The following TTC17 variants were observed in gnomAD, a reference collection of about 807,000 sequenced individuals.
TTC17 encodes tetratricopeptide repeat protein 17.
In TTC17, 58 loss-of-function variants were observed where a neutral mutation model predicts 143.8. The observed-to-expected ratio is 0.40, with a 90% confidence interval of 0.33 to 0.50. TTC17 has a LOEUF of 0.50. TTC17 is among the 20% of genes least tolerant of loss of function. The pLI is 0.49. For missense variants in TTC17, 1,273 were observed against 1,392.5 expected (o/e 0.91, Z 1.37); for synonymous variants, 501 against 497.8 (o/e 1.01, Z -0.09).
intron 21 of TTC17, among the ~76,000 whole-genome samples, chr11:43,452,274 T>G (rs1334160283): frequency 6.6e-6 from 1 of 151,648 alleles, no homozygotes. Flanking sequence ...CCAAGGCAGG[T>G]GGATCACTTG....
At chr11:43,480,531 G>C (rs2134861821) in intron 21 of TTC17, among the ~76,000 whole-genome samples, 1 of 152,236 alleles carries the variant, frequency 6.6e-6, no homozygotes, top group East Asian at 1.9e-4. Flanking sequence ...GGCTGCAGAA[G>C]AATTATCTGA....
At chr11:43,392,057 T>A in intron 5 of TTC17, 105 bp downstream of exon 5, 1 of 1,335,112 alleles carries the variant, frequency 7.5e-7, no homozygotes, top group Non-Finnish European at 1.0e-6. Flanking sequence ...TGTTTTTATC[T>A]AGAAGACGAT....
intron 16 of TTC17, among the ~76,000 whole-genome samples, chr11:43,415,711 A>T (rs1946763374): frequency 6.6e-6 from 1 of 152,198 alleles, no homozygotes; most frequent in Non-Finnish European, 1.5e-5. Context: ...GATTCGCTAT[A>T]CCAGACTGCC....
intron 3 of TTC17, among the ~76,000 whole-genome samples, chr11:43,390,504 T>C (rs1342560319): frequency 6.6e-6 from 1 of 151,972 alleles, no homozygotes; most frequent in Admixed American, 6.6e-5. Flanking sequence ...TAGTCCCAGC[T>C]ACTCGGGAAG....
chr11:43,418,856 G>A (rs779114714), intron 16 of TTC17, among the ~76,000 whole-genome samples: 2 of 152,008 alleles, frequency 1.3e-5, no homozygotes, highest in African/African-American at 2.4e-5. Flanking sequence ...ATTTATTACC[G>A]TAAAATATTT....
intron 1 of TTC17, among the ~76,000 whole-genome samples, chr11:43,366,456 A>G (rs2134439126): frequency 6.6e-6 from 1 of 151,666 alleles, no homozygotes; most frequent in Non-Finnish European, 1.5e-5. Flanking sequence ...TAGTGACCCA[A>G]GATAGTGCCA....
intron 16 of TTC17, among the ~76,000 whole-genome samples, chr11:43,437,788 G>A (rs1028809906): frequency 2.0e-5 from 3 of 152,176 alleles, no homozygotes; most frequent in Non-Finnish European, 4.4e-5. Flanking sequence ...TTCAGTTCAA[G>A]GGAGCCATAA....
chr11:43,384,752 A>T (rs1307784236), intron 2 of TTC17, among the ~76,000 whole-genome samples: 1 of 152,234 alleles, frequency 6.6e-6, no homozygotes, highest in East Asian at 1.9e-4. Flanking sequence ...CTACAATCAG[A>T]TACATTAATA....
At chr11:43,403,919 T>G in intron 10 of TTC17, 79 bp from the exon 11 acceptor site, 2 of 1,284,186 alleles carry the variant, frequency 1.6e-6, no homozygotes, top group Non-Finnish European at 2.1e-6. Context: ...ATTCACTCGC[T>G]TTTTTGGTGT....
At chr11:43,372,647 C>T (rs1463500398) in intron 1 of TTC17, among the ~76,000 whole-genome samples, 2 of 151,966 alleles carry the variant, frequency 1.3e-5, no homozygotes, top group Non-Finnish European at 1.5e-5. Flanking sequence ...TGTGCCACTA[C>T]GCCTGGCTAA....
intron 18 of TTC17, chr11:43,446,202 C>T: frequency 7.8e-7 from 1 of 1,286,576 alleles, no homozygotes; most frequent in African/African-American, 1.5e-5. Context: ...GCTATTCCCT[C>T]TGCCTGGAAT....
intron 2 of TTC17, among the ~76,000 whole-genome samples, chr11:43,384,415 G>C (rs1857096405): frequency 6.6e-6 from 1 of 152,214 alleles, no homozygotes; most frequent in Non-Finnish European, 1.5e-5. Context: ...CAGCACTCTG[G>C]GGGGTCGAGG....
At chr11:43,454,764 CA>C (rs1236067873) in intron 21 of TTC17, among the ~76,000 whole-genome samples, 4 of 151,888 alleles carry the variant, frequency 2.6e-5, no homozygotes, top group Non-Finnish European at 4.4e-5. Flanking sequence ...CTACAGTTTA[CA>C]ATAAATTTGT....
At chr11:43,451,787 A>T (rs1055930636) in intron 21 of TTC17, among the ~76,000 whole-genome samples, 1 of 152,134 alleles carries the variant, frequency 6.6e-6, no homozygotes, top group South Asian at 2.1e-4. Flanking sequence ...TTTTTAATTT[A>T]ATTTTATTAC....
chr11:43,376,818 T>C (rs955125815), intron 1 of TTC17, among the ~76,000 whole-genome samples: 3 of 152,192 alleles, frequency 2.0e-5, no homozygotes, highest in East Asian at 1.9e-4. Context: ...GGGTGTGTTC[T>C]GAGAAATGTA....
At chr11:43,454,378 C>T (rs10501300) in intron 21 of TTC17, among the ~76,000 whole-genome samples, 2 of 151,592 alleles carry the variant, frequency 1.3e-5, no homozygotes, top group African/African-American at 4.8e-5. Flanking sequence ...TCCTAAATAC[C>T]AAAAGATAAC....
intron 10 of TTC17, 34 bp from the exon 11 acceptor site, chr11:43,403,964 T>A (rs183555423): frequency 1.9e-6 from 3 of 1,552,446 alleles, no homozygotes; most frequent in Non-Finnish European, 1.7e-6. Flanking sequence ...TTTTCCACTT[T>A]CAATTTGATT....
chr11:43,418,904 G>A (rs1946838294), intron 16 of TTC17, among the ~76,000 whole-genome samples: 1 of 152,030 alleles, frequency 6.6e-6, no homozygotes, highest in South Asian at 2.1e-4. Context: ...GTTACATCTA[G>A]CAAAGATATT....
chr11:43,490,602 G>A (rs1948456754), intron 22 of TTC17: 1 of 332,742 alleles, frequency 3.0e-6, no homozygotes, highest in South Asian at 7.6e-5. Flanking sequence ...CTGTAAGACA[G>A]TACTGCATTT....
Sources: allele counts gnomAD v4.1 joint callset (sites outside exome capture counted in the v4.1 genomes callset), GRCh38; gene constraint gnomAD v4.1.1; transcripts MANE v1.5; gene names NCBI Gene and HGNC (gene_info 2026-07-23, HGNC 2026-07-21).